Variants in SLC7A14 observed in about 807,000 individuals in gnomAD.
SLC7A14 encodes gamma-aminobutyric acid transporter SLC7A14.
In SLC7A14, 37 loss-of-function variants were observed where a neutral mutation model predicts 60.2. The ratio of observed to expected loss-of-function variants is 0.61; its 90% confidence interval spans 0.47 to 0.81. The LOEUF is 0.81. Among genes scored for constraint, SLC7A14 ranks in the 30% least tolerant of loss-of-function variants. The probability of loss-of-function intolerance (pLI) is 0.00; values close to 1 mark genes in which losing one functional copy is unlikely to be tolerated. For synonymous variants in SLC7A14, 399 were observed against 395.8 expected (o/e 1.01, Z -0.10); for missense variants, 886 against 982.7 (o/e 0.90, Z 1.32).
chr3:170,498,924 A>G, intron 3 of SLC7A14, 40 bp from the exon 4 acceptor site: 1 of 1,601,636 alleles, frequency 6.2e-7, no homozygotes, highest in Non-Finnish European at 8.5e-7. Context: ...TCTGGAGGGA[A>G]GAAAGGGCCA....
intron 4 of SLC7A14, chr3:170,495,648 C>T (rs1712363525): frequency 1.2e-6 from 1 of 835,554 alleles, no homozygotes; most frequent in Non-Finnish European, 2.1e-6. Context: ...CACGTTCAAC[C>T]AGAGCCTGCT....
chr3:170,483,102 T>C (rs1446067675), intron 6 of SLC7A14, among the ~76,000 whole-genome samples: 3 of 152,104 alleles, frequency 2.0e-5, no homozygotes, highest in Admixed American at 6.5e-5. Flanking sequence ...ACACATCAGC[T>C]TGTGCTGGAT....
At position 170,526,979 on chromosome 3, in the gene SLC7A14, G is replaced by A. The variant is rs1446871576; in HGVS notation, c.-43C>T. The A allele has an allele frequency of 1.3e-6, 2 of 1,570,364 alleles. No homozygotes were observed. On this transcript the variant is annotated 5_prime_UTR_variant, in exon 2 of 8. Transcript: ENST00000231706. ...GCAGTGAAGGTCAGCTGATGGAAGG[G>A]GGCTACAAAGCCTTAGTGGATGGTT...
intron 1 of SLC7A14, among the ~76,000 whole-genome samples, chr3:170,554,617 G>T (rs1714437846): frequency 6.6e-6 from 1 of 152,192 alleles, no homozygotes; most frequent in South Asian, 2.1e-4. Context: ...GACCACTGCA[G>T]TCACAGCCTG....
chr3:170,471,167 G>C (rs1236293254), intron 7 of SLC7A14, among the ~76,000 whole-genome samples: 2 of 151,682 alleles, frequency 1.3e-5, no homozygotes, highest in Non-Finnish European at 2.9e-5. Context: ...CAACAGGACA[G>C]TGGGCACAGA....
intron 2 of SLC7A14, among the ~76,000 whole-genome samples, chr3:170,512,210 G>T (rs1052525929): frequency 3.3e-5 from 5 of 152,218 alleles, no homozygotes; most frequent in Non-Finnish European, 5.9e-5. Flanking sequence ...TGGGTTCAAG[G>T]TGAGTGCCGA....
chr3:170,493,651 T>C (rs181762477), intron 4 of SLC7A14, among the ~76,000 whole-genome samples: 49 of 152,312 alleles, frequency 3.2e-4, no homozygotes, highest in Middle Eastern at 3.4e-3. Flanking sequence ...AATGTGTGTA[T>C]TACCTTGGTG....
intron 1 of SLC7A14, among the ~76,000 whole-genome samples, chr3:170,575,055 C>A (rs1174487971): frequency 6.6e-6 from 1 of 152,146 alleles, no homozygotes; most frequent in East Asian, 1.9e-4. Context: ...CCTAAATATA[C>A]AGAGACTAGA....
intron 2 of SLC7A14, among the ~76,000 whole-genome samples, chr3:170,505,266 A>G (rs575935546): frequency 1.3e-5 from 2 of 152,352 alleles, no homozygotes; most frequent in African/African-American, 4.8e-5. Context: ...TTGAGCATCA[A>G]ATAACTGTCC....
At chr3:170,561,894 C>T (rs1714664765) in intron 1 of SLC7A14, among the ~76,000 whole-genome samples, 1 of 152,112 alleles carries the variant, frequency 6.6e-6, no homozygotes, top group Non-Finnish European at 1.5e-5. Context: ...TGAAAAAATG[C>T]TCAATATCAC....
intron 6 of SLC7A14, among the ~76,000 whole-genome samples, 178 bp downstream of exon 6, chr3:170,483,136 G>A (rs1464879064): frequency 6.6e-6 from 1 of 152,112 alleles, no homozygotes; most frequent in African/African-American, 2.4e-5. Flanking sequence ...AGTTAAACTA[G>A]GGGCTGCTTC....
rs549690820 is a variant in SLC7A14 at position 170,486,904 on chromosome 3, A to T, written c.760-536T>A. 1.7e-4 allele frequency among the ~76,000 whole-genome samples: 26 copies of T among 150,630 alleles called. No homozygotes were observed. In the South Asian group the frequency reaches 5.6e-3, roughly 32 times the overall value. ...AAAAAAAAAAATGCTTCTGGCTCTTAGTGTAGGGGATTCAGATACTTCTGC... is the reference window on the plus strand; with the variant it reads ...AAAAAAAAAAATGCTTCTGGCTCTTTGTGTAGGGGATTCAGATACTTCTGC... On this transcript the variant is annotated intron_variant, in intron 4 of 7. Transcript: ENST00000231706.
chr3:170,515,041 G>T (rs977092955), intron 2 of SLC7A14, among the ~76,000 whole-genome samples: 6 of 152,062 alleles, frequency 3.9e-5, no homozygotes, highest in Admixed American at 1.3e-4. Context: ...GGCTAAGCAC[G>T]GTGGCTCATG....
At chr3:170,534,999 T>A (rs1445509336) in intron 1 of SLC7A14, among the ~76,000 whole-genome samples, 1 of 152,180 alleles carries the variant, frequency 6.6e-6, no homozygotes. Context: ...TTACTGAGCG[T>A]TGAGACACCA....
chr3:170,500,461 A>C (rs1291588174), intron 3 of SLC7A14, among the ~76,000 whole-genome samples: 3 of 150,824 alleles, frequency 2.0e-5, no homozygotes, highest in African/African-American at 7.3e-5. Context: ...AAAAAAAAAA[A>C]AAAGGAGTGG....
At position 170,498,773 on chromosome 3, in the gene SLC7A14, T is replaced by C. The variant is rs561516668; in HGVS notation, c.653A>G (p.Asn218Ser). ...CACCCATACTGCCAGGTTCAGCACA[T>C]TGAGAACATTGTTGAAGCCTATGGA... ...KNSIGFNNVLNVLNLAVWVFI... is the reference protein window; with the variant it reads ...KNSIGFNNVLSVLNLAVWVFI... Residue 218 changes from asparagine (N) to serine (S), a missense_variant, in exon 4 of 8, where the codon AAT becomes AGT. Coordinates refer to ENST00000231706, the MANE Select transcript of SLC7A14 (RefSeq NM_020949.3). 8 of 1,614,158 alleles carry C rather than the reference T, an allele frequency of 5.0e-6. No homozygotes were observed. In the South Asian group the frequency reaches 5.5e-5, roughly 11 times the overall value.
At position 170,545,269 on chromosome 3, in the gene SLC7A14, G is replaced by T. The variant is rs74352917; in HGVS notation, c.-152-18181C>A. On this transcript the variant is annotated intron_variant, in intron 1 of 7. Transcript: ENST00000231706. ...AGGATGCCAGCTTCCGTGGCCATGT[G>T]CTCTGGTCACCAGCAGTGAACGCCT... is the stretch of plus-strand genomic sequence containing the variant. 5.2e-3 allele frequency among the ~76,000 whole-genome samples: 798 copies of T among 152,308 alleles called. 4 individuals are homozygous for T. The highest frequency in any genetic ancestry group is 0.018 in the African/African-American group (753 of 41,558).
intron 2 of SLC7A14, among the ~76,000 whole-genome samples, chr3:170,510,983 G>A (rs73040378): frequency 4.2e-4 from 64 of 152,308 alleles, no homozygotes; most frequent in African/African-American, 1.4e-3. Flanking sequence ...TTAGGAGAGG[G>A]AGTGAGGTGT....
chr3:170,498,845 A>C lies in SLC7A14; in HGVS notation c.581T>G (p.Leu194Trp). ...EESYPDLLALLIAVIVTIIVA... is the reference protein window; with the variant it reads ...EESYPDLLALWIAVIVTIIVA... ...AATGATGGTCACGATGACCGCGATC[A>C]ACAGAGCCAGAAGGTCTGGGTATGA... The change falls in exon 4 of 8, where the codon TTG becomes TGG. Residue 194 changes from leucine (L) to tryptophan (W), a missense_variant. Leu to Trp is a moderately conservative substitution (Grantham distance 61, BLOSUM62 -2). Coordinates refer to ENST00000231706, the MANE Select transcript of SLC7A14 (RefSeq NM_020949.3). 6.2e-7 allele frequency: 1 copy of C among 1,614,206 alleles called. No homozygotes were observed. Among genetic ancestry groups the C allele is most frequent in the South Asian group, 1.1e-5 (1 of 91,080 alleles).
Sources: gnomAD v4.1 joint callset for allele counts (sites outside exome capture counted in the v4.1 genomes callset) on GRCh38, gnomAD v4.1.1 for gene constraint, MANE v1.5 for transcripts, NCBI Gene and HGNC (gene_info 2026-07-23, HGNC 2026-07-21) for gene names.